Variants in LAMA3 observed in about 807,000 individuals in gnomAD.
LAMA3 encodes laminin subunit alpha-3.
Under a neutral mutation model 402.0 loss-of-function variants are expected in LAMA3, and 281 were observed. That is an observed-to-expected ratio of 0.70 (90% CI 0.63 to 0.77). The LOEUF (loss-of-function observed/expected upper bound fraction) is 0.77. Among genes scored for constraint, LAMA3 ranks in the 30% least tolerant of loss-of-function variants. The pLI is 0.00. For synonymous variants in LAMA3, 1,431 were observed against 1,558.4 expected (o/e 0.92, Z 1.93); for missense variants, 3,840 against 4,215.5 (o/e 0.91, Z 2.47).
intron 34 of LAMA3, 149 bp downstream of exon 34, chr18:23,858,978 A>G (rs2064151706): frequency 2.4e-6 from 2 of 824,398 alleles, no homozygotes; most frequent in Non-Finnish European, 4.1e-6. Context: ...ATGTGTTCAG[A>G]GGGGCTTTCC....
At chr18:23,840,549 A>AT (rs924887676) in intron 27 of LAMA3, among the ~76,000 whole-genome samples, 43 of 149,448 alleles carry the variant, frequency 2.9e-4, no homozygotes, top group Admixed American at 1.3e-3. Flanking sequence ...TGCCCAGCTA[A>AT]TTTTTTTTTT....
intron 49 of LAMA3, 71 bp from the exon 50 acceptor site, chr18:23,903,861 TA>T: frequency 8.2e-7 from 1 of 1,224,262 alleles, no homozygotes; most frequent in Non-Finnish European, 1.2e-6. Context: ...TCAGTTATGA[TA>T]GAGTTTGAGA....
intron 68 of LAMA3, 94 bp from the exon 69 acceptor site, chr18:23,943,694 G>A: frequency 8.9e-7 from 1 of 1,124,944 alleles, no homozygotes; most frequent in Non-Finnish European, 1.4e-6. Context: ...AAAAATGGGG[G>A]TTGGGTGTTT....
intron 7 of LAMA3, among the ~76,000 whole-genome samples, chr18:23,761,406 T>A (rs1281019824): frequency 6.6e-6 from 1 of 152,120 alleles, no homozygotes; most frequent in Non-Finnish European, 1.5e-5. Context: ...AGGTTTAGAG[T>A]GTTGGCTAAG....
In LAMA3 at chr18:23,904,232, G is replaced by A. The variant is rs2081166201; in HGVS notation, c.6473+145G>A. 3 of 904,880 alleles carry A rather than the reference G, an allele frequency of 3.3e-6. No homozygotes were observed. The South Asian group carries it at 4.2e-5, about 13-fold the overall frequency. 56.1% of individuals were successfully genotyped at this position (904,880 alleles called of 1,614,324 possible). On this transcript the variant is annotated intron_variant, in intron 50 of 74. Transcript: ENST00000313654. ...GGTGGGGTCAAGGCCAATGCCCCAG[G>A]CCCAAGTCAGAAGCAGAGCAGCAAT... is the stretch of plus-strand genomic sequence containing the variant.
intron 74 of LAMA3, 42 bp from the exon 75 acceptor site, chr18:23,954,461 G>A (rs1386084931): frequency 6.5e-7 from 1 of 1,534,074 alleles, no homozygotes; most frequent in Non-Finnish European, 9.0e-7. Context: ...TCCCTGGACA[G>A]TATGAATTAT....
Position 23,741,734 on chromosome 18 carries a change from G to A in LAMA3, c.448-6209G>A, listed in dbSNP as rs577417231. Among the ~76,000 whole-genome samples the A allele has an allele frequency of 1.2e-4, 19 of 152,256 alleles. No individual in the cohort carries two copies. The South Asian group carries it at 3.7e-3, about 30-fold the overall frequency. On this transcript the variant is annotated intron_variant, in intron 2 of 74. Coordinates refer to ENST00000313654, the MANE Select transcript of LAMA3 (RefSeq NM_198129.4). Reference sequence around the variant, plus strand: ...AAGGTAACTTACGATGGGGAAATATGATGGACATCTTTTGAAGCAAGTGAT... The same window carrying A: ...AAGGTAACTTACGATGGGGAAATATAATGGACATCTTTTGAAGCAAGTGAT...
intron 29 of LAMA3, 52 bp downstream of exon 29, chr18:23,842,802 C>CA: frequency 6.2e-7 from 1 of 1,606,512 alleles, no homozygotes; most frequent in African/African-American, 1.3e-5. Flanking sequence ...CCTGGCTGGC[C>CA]ATTCTGGGTG....
At chr18:23,793,648 T>C (rs1274958118) in intron 12 of LAMA3, among the ~76,000 whole-genome samples, 1 of 152,120 alleles carries the variant, frequency 6.6e-6, no homozygotes, top group Non-Finnish European at 1.5e-5. Flanking sequence ...GTTTTTCCTC[T>C]ACTCTCATAC....
rs752267055 is a variant in LAMA3, at chr18:23,863,841, CAGGACCCA to C, written c.4585-940_4585-933del. On this transcript the variant is annotated intron_variant, in intron 35 of 74. Coordinates refer to ENST00000313654, the MANE Select transcript of LAMA3 (RefSeq NM_198129.4). ...GTTTTACTTAAAGGATGGGAGGTGT[CAGGACCCA>C]AGGTGTGAAGTAGCTGTCAGAAAAC... 1.4e-3 allele frequency among the ~76,000 whole-genome samples: 209 copies of C among 152,288 alleles called. 1 individual carries two copies. The highest frequency in any genetic ancestry group is 2.7e-3 in the Non-Finnish European group (185 of 68,024).
In LAMA3 at chr18:23,857,861, C is replaced by T; in HGVS notation, c.4154C>T (p.Thr1385Ile). 2 of 1,614,206 alleles carry T rather than the reference C, an allele frequency of 1.2e-6. No individual in the cohort carries two copies. Among genetic ancestry groups the T allele is most frequent in the Non-Finnish European group, 1.7e-6 (2 of 1,180,042 alleles). Residue 1385 changes from threonine (T) to isoleucine (I), a missense_variant, in exon 33 of 75, where the codon ACA becomes ATA. Coordinates refer to ENST00000313654, the MANE Select transcript of LAMA3 (RefSeq NM_198129.4). ...SGQCRCKPRI[T>I]GRQCDRCASG... Reference sequence around the variant, plus strand: ...GTGTACAGATGCAAGCCCAGAATCACAGGGCGGCAGTGTGACCGATGTGCT... The same window carrying T: ...GTGTACAGATGCAAGCCCAGAATCATAGGGCGGCAGTGTGACCGATGTGCT...
chr18:23,834,997 T>C (rs2096136496), intron 24 of LAMA3, among the ~76,000 whole-genome samples: 1 of 152,188 alleles, frequency 6.6e-6, no homozygotes, highest in Non-Finnish European at 1.5e-5. Context: ...TAATTGTATT[T>C]GGAGTTTTAA....
intron 23 of LAMA3, 79 bp downstream of exon 23, chr18:23,827,546 G>A (rs1403328134): frequency 1.4e-6 from 2 of 1,481,144 alleles, no homozygotes; most frequent in Non-Finnish European, 1.8e-6. Context: ...GGCCACAGTT[G>A]CTTCTCAAAT....
chr18:23,931,954 A>G (rs1236567694), intron 65 of LAMA3, among the ~76,000 whole-genome samples: 2 of 152,260 alleles, frequency 1.3e-5, no homozygotes, highest in Non-Finnish European at 2.9e-5. Flanking sequence ...CATCTTTGGC[A>G]AGATACACCC....
chr18:23,902,863 A>G (rs1364834522), intron 48 of LAMA3, 146 bp from the exon 49 acceptor site: 9 of 669,902 alleles, frequency 1.3e-5, no homozygotes, highest in Non-Finnish European at 1.9e-5. Context: ...CTGATTTCCT[A>G]TCACTTTGTA....
intron 33 of LAMA3, among the ~76,000 whole-genome samples, 159 bp downstream of exon 33, chr18:23,858,147 A>G (rs761558100): frequency 6.6e-6 from 1 of 152,216 alleles, no homozygotes; most frequent in Non-Finnish European, 1.5e-5. Context: ...TTTTACAGAA[A>G]TAGTTAGGAG....
At chr18:23,873,535 T>A (rs1404195031) in intron 38 of LAMA3, among the ~76,000 whole-genome samples, 1 of 152,172 alleles carries the variant, frequency 6.6e-6, no homozygotes, top group Non-Finnish European at 1.5e-5. Flanking sequence ...AAGAGTCCAA[T>A]GCCTATAGCT....
Position 23,773,508 on chromosome 18 carries a change from T to C in LAMA3, c.1194T>C (p.Ala398=). ...GVCINCQHNT[A]GVNCEQCAKG... ...TTGTTTCTTTCTAGCACAACACAGC[T>C]GGAGTAAACTGTGAACAGTGTGCTA... The change falls in exon 9 of 75, where the codon GCT becomes GCC. Residue 398 remains alanine, a synonymous_variant. Transcript: ENST00000313654. 1 of 1,594,630 alleles carries C rather than the reference T, an allele frequency of 6.3e-7. No individual in the cohort carries two copies. Among genetic ancestry groups the C allele is most frequent in the Non-Finnish European group, 8.6e-7 (1 of 1,167,694 alleles).
chr18:23,828,225 A>G (rs1016919767), intron 23 of LAMA3, among the ~76,000 whole-genome samples: 5 of 152,224 alleles, frequency 3.3e-5, no homozygotes, highest in Non-Finnish European at 7.3e-5. Flanking sequence ...GGATGAAAAT[A>G]TATGTGGAGT....
Sources: allele counts gnomAD v4.1 joint callset (sites outside exome capture counted in the v4.1 genomes callset), GRCh38; gene constraint gnomAD v4.1.1; transcripts MANE v1.5; gene names NCBI Gene and HGNC (gene_info 2026-07-23, HGNC 2026-07-21).